The following EPHA7 variants were observed in gnomAD, a reference collection of about 807,000 sequenced individuals.
EPHA7 encodes the protein EPH receptor A7.
EPHA7 carries 25 observed loss-of-function variants against 112.6 expected under a neutral mutation model. That is an observed-to-expected ratio of 0.22 (90% CI 0.16 to 0.31). The LOEUF (loss-of-function observed/expected upper bound fraction) is 0.31, where lower values mean the gene tolerates loss of function less well. Ranked by LOEUF, EPHA7 falls within the 10% of genes least tolerant of loss-of-function variation. The probability of loss-of-function intolerance (pLI) is 1.00; values close to 1 mark genes in which losing one functional copy is unlikely to be tolerated. For synonymous variants in EPHA7, 437 were observed against 406.5 expected (o/e 1.07, Z -0.90); for missense variants, 962 against 1,212.6 (o/e 0.79, Z 3.07).
rs1484423232 is a variant in EPHA7, at chr6:93,263,848, C to T, written c.1798+12G>A. The T allele has an allele frequency of 6.2e-7, 1 of 1,607,520 alleles. No individual in the cohort carries two copies. Among genetic ancestry groups the T allele is most frequent in the Admixed American group, 1.7e-5 (1 of 59,586 alleles). ...AGGGGTACATCATAATAAAGAAAAG[C>T]CAAACACTTACAATGAAAGTAAAGC... On this transcript the variant is annotated intron_variant, in intron 9 of 16. Transcript: ENST00000369303.
intron 13 of EPHA7, among the ~76,000 whole-genome samples, chr6:93,255,347 T>TCAA (rs34956295): frequency 0.44 from 65,875 of 150,252 alleles, 15,255 homozygotes; most frequent in South Asian, 0.69. Context: ...AAACTCCATC[T>TCAA]CAACAACAAC....
intron 5 of EPHA7, among the ~76,000 whole-genome samples, chr6:93,337,668 G>C (rs1554183317): frequency 6.6e-6 from 1 of 152,140 alleles, no homozygotes; most frequent in Non-Finnish European, 1.5e-5. Flanking sequence ...ATGTCAAACA[G>C]TAGAGTATCA....
chr6:93,310,347 C>T (rs1462080831), intron 5 of EPHA7, among the ~76,000 whole-genome samples: 1 of 152,122 alleles, frequency 6.6e-6, no homozygotes, highest in Non-Finnish European at 1.5e-5. Flanking sequence ...CACAATGTTT[C>T]ACTTTATAGT....
intron 14 of EPHA7, among the ~76,000 whole-genome samples, chr6:93,251,562 A>T (rs1255781285): frequency 6.6e-6 from 1 of 151,458 alleles, no homozygotes; most frequent in African/African-American, 2.4e-5. Context: ...TGCTAGTAGT[A>T]TTTTTTCTTA....
chr6:93,272,545 A>G, intron 5 of EPHA7, 123 bp from the exon 6 acceptor site: 1 of 1,085,546 alleles, frequency 9.2e-7, no homozygotes, highest in Non-Finnish European at 1.3e-6. Context: ...GCACCTTTTC[A>G]TAGCTCACAA....
At chr6:93,396,571 T>C (rs1178137975) in intron 3 of EPHA7, among the ~76,000 whole-genome samples, 2 of 151,884 alleles carry the variant, frequency 1.3e-5, no homozygotes, top group Non-Finnish European at 2.9e-5. Flanking sequence ...AGAGATTACA[T>C]AACCCCAAAT....
At chr6:93,418,473 G>T (rs1043400799) in intron 1 of EPHA7, among the ~76,000 whole-genome samples, 2 of 152,190 alleles carry the variant, frequency 1.3e-5, no homozygotes, top group Non-Finnish European at 2.9e-5. Flanking sequence ...CGCCCAGGCG[G>T]CATCCTTACA....
intron 5 of EPHA7, among the ~76,000 whole-genome samples, chr6:93,278,599 A>G (rs1465080934): frequency 6.6e-6 from 1 of 152,054 alleles, no homozygotes; most frequent in Non-Finnish European, 1.5e-5. Flanking sequence ...ACTATATGCA[A>G]GGCATTGTGG....
chr6:93,317,939 T>A (rs771699497), intron 5 of EPHA7, among the ~76,000 whole-genome samples: 1 of 152,166 alleles, frequency 6.6e-6, no homozygotes, highest in Non-Finnish European at 1.5e-5. Context: ...TAATCATAAC[T>A]TTCATTCTCA....
chr6:93,388,812 G>A (rs1194089818), intron 3 of EPHA7, among the ~76,000 whole-genome samples: 1 of 151,860 alleles, frequency 6.6e-6, no homozygotes, highest in Admixed American at 6.6e-5. Flanking sequence ...ATAAGCAAAG[G>A]TAAGTAAAAA....
intron 1 of EPHA7, among the ~76,000 whole-genome samples, chr6:93,418,277 T>C (rs1306672143): frequency 1.3e-5 from 2 of 152,136 alleles, no homozygotes; most frequent in Admixed American, 6.5e-5. Flanking sequence ...AAAGGTATTT[T>C]ACCTTCTGTC....
chr6:93,307,641 A>G (rs1773324301), intron 5 of EPHA7, among the ~76,000 whole-genome samples: 1 of 152,206 alleles, frequency 6.6e-6, no homozygotes, highest in South Asian at 2.1e-4. Flanking sequence ...ATTAAATCTT[A>G]TGACATTCAG....
At chr6:93,373,645 T>G (rs973395279) in intron 3 of EPHA7, among the ~76,000 whole-genome samples, 1 of 152,088 alleles carries the variant, frequency 6.6e-6, no homozygotes, top group Non-Finnish European at 1.5e-5. Context: ...AGAGCTTAGA[T>G]GATGGTATCA....
intron 1 of EPHA7, among the ~76,000 whole-genome samples, chr6:93,415,997 A>G (rs1779202895): frequency 6.6e-6 from 1 of 152,204 alleles, no homozygotes; most frequent in Middle Eastern, 3.2e-3. Flanking sequence ...ACTGTAAATG[A>G]AAATAGATAT....
At chr6:93,314,310 T>A (rs1447558561) in intron 5 of EPHA7, among the ~76,000 whole-genome samples, 5 of 152,202 alleles carry the variant, frequency 3.3e-5, no homozygotes, top group Admixed American at 3.3e-4. Flanking sequence ...CTAACATTAA[T>A]CATTTATGTA....
intron 1 of EPHA7, 44 bp from the exon 2 acceptor site, chr6:93,414,811 A>G: frequency 6.7e-7 from 1 of 1,495,288 alleles, no homozygotes; most frequent in Non-Finnish European, 9.3e-7. Flanking sequence ...TGAAACACTT[A>G]CGCACACATG....
At chr6:93,401,212 A>G (rs1232962281) in intron 3 of EPHA7, among the ~76,000 whole-genome samples, 1 of 152,132 alleles carries the variant, frequency 6.6e-6, no homozygotes, top group African/African-American at 2.4e-5. Flanking sequence ...AACTTAAATG[A>G]CTAAATAACA....
chr6:93,384,221 C>T (rs1000628790), intron 3 of EPHA7, among the ~76,000 whole-genome samples: 2 of 152,114 alleles, frequency 1.3e-5, no homozygotes, highest in Admixed American at 1.3e-4. Context: ...AGTTCTACCT[C>T]CATAATGTGT....
intron 5 of EPHA7, among the ~76,000 whole-genome samples, chr6:93,281,053 C>T (rs561495637): frequency 6.6e-6 from 1 of 152,134 alleles, no homozygotes; most frequent in East Asian, 1.9e-4. Flanking sequence ...TAAATGCTGG[C>T]AATGTTAGAT....
Sources: allele counts gnomAD v4.1 joint callset (sites outside exome capture counted in the v4.1 genomes callset), GRCh38; gene constraint gnomAD v4.1.1; transcripts MANE v1.5; gene names NCBI Gene and HGNC (gene_info 2026-07-23, HGNC 2026-07-21).